Variants in PABPC4L observed in about 807,000 individuals in gnomAD.
PABPC4L encodes the protein poly(A) binding protein cytoplasmic 4 like, also known as polyadenylate-binding protein 4-like.
For synonymous variants in PABPC4L, 169 were observed against 164.1 expected, an observed-to-expected ratio of 1.03 and a Z score of -0.23; for missense variants, 452 against 451.4, an observed-to-expected ratio of 1.00 and a Z score of -0.01.
At chr4:133,989,856 G>C in the PABPC4L span, among the ~76,000 whole-genome samples, 2 of 152,132 alleles carry the variant, frequency 1.3e-5, no homozygotes, top group African/African-American at 2.4e-5. Context: ...ATCCTGCAGG[G>C]CTGGGAAGGC....
At chr4:134,070,039 G>A in the PABPC4L span, among the ~76,000 whole-genome samples, 128 of 120,270 alleles carry the variant, frequency 1.1e-3, no homozygotes, top group African/African-American at 4.0e-3. Context: ...TTGGGGGTTT[G>A]ATTTTTGCAT....
the PABPC4L span, among the ~76,000 whole-genome samples, chr4:134,068,414 G>A: frequency 6.6e-6 from 1 of 152,062 alleles, no homozygotes; most frequent in Non-Finnish European, 1.5e-5. Flanking sequence ...TGTTGGTGTC[G>A]TTGCATGGGA....
At chr4:134,087,609 G>T in the PABPC4L span, among the ~76,000 whole-genome samples, 2 of 152,128 alleles carry the variant, frequency 1.3e-5, no homozygotes, top group Admixed American at 1.3e-4. Context: ...AAGCCCACCT[G>T]CACTGGCAAT....
At chr4:134,053,871 C>T in the PABPC4L span, among the ~76,000 whole-genome samples, 1 of 151,950 alleles carries the variant, frequency 6.6e-6, no homozygotes, top group African/African-American at 2.4e-5. Context: ...AATTCTGAGT[C>T]TAAGCATCTA....
At chr4:134,178,218 G>T in the PABPC4L span, among the ~76,000 whole-genome samples, 2 of 152,080 alleles carry the variant, frequency 1.3e-5, no homozygotes, top group Admixed American at 1.3e-4. Flanking sequence ...AACTCACGAA[G>T]CAGAACACCC....
chr4:134,173,520 G>T, the PABPC4L span, among the ~76,000 whole-genome samples: 4 of 152,178 alleles, frequency 2.6e-5, no homozygotes, highest in African/African-American at 7.2e-5. Context: ...TGAACTCATG[G>T]AGATAGAAAA....
At chr4:134,100,831 G>A in the PABPC4L span, among the ~76,000 whole-genome samples, 5 of 151,406 alleles carry the variant, frequency 3.3e-5, no homozygotes, top group Non-Finnish European at 4.4e-5. Flanking sequence ...GACAATGTGC[G>A]AGAGATCTAA....
chr4:133,962,310 A>C, the PABPC4L span, among the ~76,000 whole-genome samples: 1 of 152,258 alleles, frequency 6.6e-6, no homozygotes, highest in African/African-American at 2.4e-5. Context: ...AAAAGAATTC[A>C]GGAGCTTAGT....
the PABPC4L span, among the ~76,000 whole-genome samples, chr4:134,127,427 A>G: frequency 6.6e-6 from 1 of 152,112 alleles, no homozygotes; most frequent in African/African-American, 2.4e-5. Flanking sequence ...CCACCAGAGT[A>G]GGTGCTGGTA....
chr4:134,034,801 C>A, the PABPC4L span, among the ~76,000 whole-genome samples: 1 of 151,848 alleles, frequency 6.6e-6, no homozygotes, highest in Non-Finnish European at 1.5e-5. Context: ...TTGAGATGGT[C>A]TCTACTGGTG....
At chr4:133,979,071 C>T in the PABPC4L span, among the ~76,000 whole-genome samples, 1 of 152,066 alleles carries the variant, frequency 6.6e-6, no homozygotes, top group East Asian at 1.9e-4. Flanking sequence ...TAAAATCTTC[C>T]TAAATAAATG....
the PABPC4L span, among the ~76,000 whole-genome samples, chr4:133,988,416 T>C: frequency 1.3e-5 from 2 of 152,302 alleles, no homozygotes; most frequent in Admixed American, 6.5e-5. Context: ...CCACTCCAAA[T>C]TGGAGAAATT....
At chr4:133,964,045 G>T in the PABPC4L span, among the ~76,000 whole-genome samples, 1 of 152,126 alleles carries the variant, frequency 6.6e-6, no homozygotes, top group African/African-American at 2.4e-5. Context: ...CTGTGTCTTT[G>T]AAAAGATAGA....
chr4:134,018,184 C>T, the PABPC4L span, among the ~76,000 whole-genome samples: 1 of 151,874 alleles, frequency 6.6e-6, no homozygotes, highest in African/African-American at 2.4e-5. Context: ...ACCTTGTGAC[C>T]CCCACTCCTG....
At chr4:134,011,706 A>G in the PABPC4L span, among the ~76,000 whole-genome samples, 3 of 152,136 alleles carry the variant, frequency 2.0e-5, no homozygotes, top group African/African-American at 7.2e-5. Flanking sequence ...TAAAACAGAT[A>G]TGCTCTCATT....
chr4:134,147,758 T>C, the PABPC4L span, among the ~76,000 whole-genome samples: 1 of 151,290 alleles, frequency 6.6e-6, no homozygotes, highest in Admixed American at 6.6e-5. Flanking sequence ...TGTGTTGTTG[T>C]TGTTGTTGTT....
At chr4:134,117,091 G>A in the PABPC4L span, among the ~76,000 whole-genome samples, 32 of 149,998 alleles carry the variant, frequency 2.1e-4, no homozygotes, top group African/African-American at 7.4e-4. Context: ...CAGCAATAAC[G>A]TCTAAAAGAA....
At chr4:133,951,008 T>C in the PABPC4L span, among the ~76,000 whole-genome samples, 2 of 152,234 alleles carry the variant, frequency 1.3e-5, no homozygotes, top group African/African-American at 4.8e-5. Context: ...CTTTAGGGAC[T>C]GGTTAAGAGC....
chr4:134,137,073 A>C, the PABPC4L span, among the ~76,000 whole-genome samples: 3 of 152,016 alleles, frequency 2.0e-5, no homozygotes, highest in Non-Finnish European at 4.4e-5. Context: ...TGTCAAGAGC[A>C]AGGGAGGAAG....
Sources: gnomAD v4.1 joint callset for allele counts (sites outside exome capture counted in the v4.1 genomes callset) on GRCh38, gnomAD v4.1.1 for gene constraint, MANE v1.5 for transcripts, NCBI Gene and HGNC (gene_info 2026-07-23, HGNC 2026-07-21) for gene names.